Variants in NCOA1 observed in about 807,000 individuals in gnomAD.
The protein encoded by NCOA1 is Hin-2 protein.
NCOA1 carries 35 observed loss-of-function variants against 150.9 expected under a neutral mutation model. That is an observed-to-expected ratio of 0.23 (90% CI 0.18 to 0.31). NCOA1 has a LOEUF of 0.31. NCOA1 is among the 10% of genes least tolerant of loss of function. The probability of loss-of-function intolerance (pLI) is 1.00; values close to 1 mark genes in which losing one functional copy is unlikely to be tolerated. For synonymous variants in NCOA1, 590 were observed against 630.0 expected, an observed-to-expected ratio of 0.94 and a Z score of 0.95; for missense variants, 1,491 against 1,749.3, an observed-to-expected ratio of 0.85 and a Z score of 2.63.
At chr2:24,506,475 C>G (rs1033125489) in intron 1 of NCOA1, among the ~76,000 whole-genome samples, 3 of 152,166 alleles carry the variant, frequency 2.0e-5, no homozygotes, top group Admixed American at 2.0e-4. Context: ...ACATTGAAGG[C>G]TATAGAACTT....
At chr2:24,700,866 T>A (rs542924167) in intron 11 of NCOA1, among the ~76,000 whole-genome samples, 5 of 152,184 alleles carry the variant, frequency 3.3e-5, no homozygotes, top group Non-Finnish European at 5.9e-5. Flanking sequence ...TACAGAGAAG[T>A]TTGTAAACTA....
intron 3 of NCOA1, among the ~76,000 whole-genome samples, chr2:24,623,245 T>G (rs763829179): frequency 6.6e-6 from 1 of 152,180 alleles, no homozygotes; most frequent in Non-Finnish European, 1.5e-5. Flanking sequence ...AGGTGGAAAC[T>G]CAGAAAAGTG....
chr2:24,713,789 C>T (rs1572630501), intron 14 of NCOA1, among the ~76,000 whole-genome samples: 2 of 151,988 alleles, frequency 1.3e-5, no homozygotes, highest in Non-Finnish European at 1.5e-5. Flanking sequence ...AAAATAAGCA[C>T]GGATATTTTA....
intron 14 of NCOA1, among the ~76,000 whole-genome samples, chr2:24,720,326 G>T (rs1443746891): frequency 1.3e-5 from 2 of 152,178 alleles, no homozygotes; most frequent in Admixed American, 6.5e-5. Flanking sequence ...AATTATGTGT[G>T]TGTGTTAACT....
intron 19 of NCOA1, among the ~76,000 whole-genome samples, chr2:24,748,942 G>A (rs1664077269): frequency 6.6e-6 from 1 of 152,066 alleles, no homozygotes; most frequent in African/African-American, 2.4e-5. Flanking sequence ...TAAATTATGG[G>A]CAATCATACT....
intron 17 of NCOA1, 40 bp from the exon 18 acceptor site, chr2:24,739,392 G>T (rs1294067256): frequency 7.1e-7 from 1 of 1,400,558 alleles, no homozygotes; most frequent in Non-Finnish European, 1.0e-6. Flanking sequence ...TGTTATGCTT[G>T]TGTGTAGAAA....
intron 2 of NCOA1, among the ~76,000 whole-genome samples, chr2:24,571,201 G>T (rs541681327): frequency 6.6e-6 from 1 of 152,024 alleles, no homozygotes; most frequent in Admixed American, 6.5e-5. Context: ...CTAGACACTT[G>T]TGATTTGGGG....
At chr2:24,675,799 C>CA (rs1671880479) in intron 7 of NCOA1, among the ~76,000 whole-genome samples, 1 of 152,170 alleles carries the variant, frequency 6.6e-6, no homozygotes, top group Non-Finnish European at 1.5e-5. Flanking sequence ...GCAGGAGAAT[C>CA]ACGTGAACCT....
At chr2:24,619,818 A>G (rs963421967) in intron 3 of NCOA1, among the ~76,000 whole-genome samples, 1 of 152,196 alleles carries the variant, frequency 6.6e-6, no homozygotes, top group Non-Finnish European at 1.5e-5. Context: ...AAAGATAATT[A>G]TAAAATTATA....
At chr2:24,682,010 G>A (rs541166836) in intron 7 of NCOA1, among the ~76,000 whole-genome samples, 227 of 152,246 alleles carry the variant, frequency 1.5e-3, no homozygotes, top group African/African-American at 5.3e-3. Flanking sequence ...CACTGCGCCC[G>A]GCCCCGTGGC....
At chr2:24,635,525 G>C (rs1159112556) in intron 3 of NCOA1, among the ~76,000 whole-genome samples, 1 of 152,150 alleles carries the variant, frequency 6.6e-6, no homozygotes, top group Admixed American at 6.5e-5. Flanking sequence ...TTTTATAAAA[G>C]ACAGTGGCAT....
intron 4 of NCOA1, among the ~76,000 whole-genome samples, chr2:24,656,623 C>T (rs999178867): frequency 6.6e-6 from 1 of 152,198 alleles, no homozygotes; most frequent in Non-Finnish European, 1.5e-5. Flanking sequence ...TCCTCTCCTC[C>T]TCACATCCTT....
chr2:24,651,241 GTCTGCACTCCCA>G (rs1558874113), intron 4 of NCOA1, among the ~76,000 whole-genome samples: 2 of 152,050 alleles, frequency 1.3e-5, no homozygotes, highest in Non-Finnish European at 2.9e-5. Flanking sequence ...TCATAAAGCT[GTCTGCACTCCCA>G]TGTTCATTGC....
intron 11 of NCOA1, among the ~76,000 whole-genome samples, chr2:24,703,588 A>G (rs1374763341): frequency 1.3e-5 from 2 of 152,150 alleles, no homozygotes; most frequent in African/African-American, 4.8e-5. Flanking sequence ...TGAAATTGCC[A>G]GGTGTGTAAA....
At chr2:24,695,036 TTA>T (rs1672835344) in intron 10 of NCOA1, among the ~76,000 whole-genome samples, 1 of 152,090 alleles carries the variant, frequency 6.6e-6, no homozygotes, top group Admixed American at 6.5e-5. Context: ...GGCCTAAAAG[TTA>T]TGAGGCTAAT....
At chr2:24,662,995 G>T (rs1398683082) in intron 5 of NCOA1, among the ~76,000 whole-genome samples, 1 of 145,532 alleles carries the variant, frequency 6.9e-6, no homozygotes, top group Non-Finnish European at 1.5e-5. Flanking sequence ...GGGTCTTGTT[G>T]TGTTACCCAG....
intron 17 of NCOA1, among the ~76,000 whole-genome samples, chr2:24,730,027 G>C (rs996719952): frequency 1.3e-5 from 2 of 152,020 alleles, no homozygotes; most frequent in Non-Finnish European, 2.9e-5. Context: ...TATATTTTTA[G>C]TAAAGACAGG....
At chr2:24,587,698 T>C (rs1252905324) in intron 3 of NCOA1, among the ~76,000 whole-genome samples, 1 of 152,234 alleles carries the variant, frequency 6.6e-6, no homozygotes, top group Non-Finnish European at 1.5e-5. Context: ...TTCTACACTT[T>C]ATTGCCTCTC....
At chr2:24,498,231 T>C (rs1663306460) in intron 1 of NCOA1, among the ~76,000 whole-genome samples, 1 of 152,254 alleles carries the variant, frequency 6.6e-6, no homozygotes, top group African/African-American at 2.4e-5. Context: ...ATTGAATTTC[T>C]AAGTAGCTAC....
Sources: allele counts gnomAD v4.1 joint callset (sites outside exome capture counted in the v4.1 genomes callset), GRCh38; gene constraint gnomAD v4.1.1; transcripts MANE v1.5; gene names NCBI Gene and HGNC (gene_info 2026-07-23, HGNC 2026-07-21).